The following TRABD2B variants were observed in gnomAD, a reference collection of about 807,000 sequenced individuals.
TRABD2B encodes TraB domain containing 2B.
A neutral mutation model predicts 40.1 loss-of-function variants in TRABD2B; 14 were observed. The ratio of observed to expected loss-of-function variants is 0.35; its 90% confidence interval spans 0.23 to 0.55. TRABD2B has a LOEUF of 0.55. TRABD2B is among the 20% of genes least tolerant of loss of function. TRABD2B has a pLI of 0.90. For missense variants in TRABD2B, 541 were observed against 648.6 expected (o/e 0.83, Z 1.80); for synonymous variants, 263 against 277.0 (o/e 0.95, Z 0.50).
At chr1:47,886,352 C>T (rs1230915928) in intron 2 of TRABD2B, among the ~76,000 whole-genome samples, 2 of 152,218 alleles carry the variant, frequency 1.3e-5, no homozygotes, top group Non-Finnish European at 2.9e-5. Flanking sequence ...GGCCGTTCCA[C>T]TCGGCTCGGG....
chr1:47,811,947 A>T (rs1644970818), intron 2 of TRABD2B, among the ~76,000 whole-genome samples: 1 of 152,200 alleles, frequency 6.6e-6, no homozygotes, highest in South Asian at 2.1e-4. Context: ...AATACTTTAC[A>T]TGTGGAGGCT....
At chr1:47,831,554 G>T (rs1310989514) in intron 2 of TRABD2B, among the ~76,000 whole-genome samples, 1 of 152,162 alleles carries the variant, frequency 6.6e-6, no homozygotes, top group African/African-American at 2.4e-5. Flanking sequence ...TGCCAAGAAT[G>T]GCAGCTCAGT....
intron 2 of TRABD2B, among the ~76,000 whole-genome samples, chr1:47,839,713 G>A (rs1278749517): frequency 6.6e-6 from 1 of 152,216 alleles, no homozygotes; most frequent in Non-Finnish European, 1.5e-5. Context: ...AACACTGACA[G>A]TGTCCTCGCC....
chr1:47,974,106 C>G (rs143448570), intron 2 of TRABD2B, among the ~76,000 whole-genome samples: 66 of 152,292 alleles, frequency 4.3e-4, no homozygotes, highest in African/African-American at 1.6e-3. Flanking sequence ...AAGATTCTGT[C>G]TGCATCTCCT....
intron 2 of TRABD2B, among the ~76,000 whole-genome samples, chr1:47,961,760 T>C (rs1310056424): frequency 6.6e-6 from 1 of 152,212 alleles, no homozygotes. Context: ...TTTACACTGT[T>C]GGTGGGACTG....
chr1:47,965,727 G>A (rs557764344), intron 2 of TRABD2B, among the ~76,000 whole-genome samples: 177 of 152,290 alleles, frequency 1.2e-3, no homozygotes, highest in Non-Finnish European at 2.0e-3. Context: ...GTGATCTGGC[G>A]TTGTTTTAAG....
intron 2 of TRABD2B, among the ~76,000 whole-genome samples, chr1:47,845,153 C>T (rs916914499): frequency 3.3e-5 from 5 of 152,132 alleles, no homozygotes; most frequent in African/African-American, 4.8e-5. Flanking sequence ...CTATGCCTTG[C>T]CCCTTCCACC....
intron 2 of TRABD2B, among the ~76,000 whole-genome samples, chr1:47,919,701 A>G (rs1019723456): frequency 6.6e-6 from 1 of 152,352 alleles, no homozygotes. Context: ...AGGGAAGAGA[A>G]CTTGCATGCC....
chr1:47,814,607 C>T (rs996760154), intron 2 of TRABD2B, among the ~76,000 whole-genome samples: 4 of 152,216 alleles, frequency 2.6e-5, no homozygotes, highest in Admixed American at 6.5e-5. Context: ...TCTCCTTCCC[C>T]GACTTTTGAA....
intron 3 of TRABD2B, among the ~76,000 whole-genome samples, 189 bp downstream of exon 3, chr1:47,801,284 T>G (rs937785209): frequency 1.3e-5 from 2 of 152,166 alleles, no homozygotes; most frequent in Non-Finnish European, 2.9e-5. Context: ...AACTTAAAAC[T>G]CAACAACTCA....
At chr1:47,927,497 C>T (rs1644984786) in intron 2 of TRABD2B, among the ~76,000 whole-genome samples, 1 of 152,232 alleles carries the variant, frequency 6.6e-6, no homozygotes, top group Non-Finnish European at 1.5e-5. Context: ...GAGCACCTCC[C>T]TCCAGAGAGC....
intron 2 of TRABD2B, among the ~76,000 whole-genome samples, chr1:47,963,091 C>A (rs1645545803): frequency 6.6e-6 from 1 of 152,154 alleles, no homozygotes. Flanking sequence ...GCAGGGAGAC[C>A]AACTATGTCT....
intron 2 of TRABD2B, among the ~76,000 whole-genome samples, chr1:47,929,076 G>A (rs151196294): frequency 2.0e-5 from 3 of 152,258 alleles, no homozygotes; most frequent in East Asian, 1.9e-4. Flanking sequence ...TACTCTTCTC[G>A]TAAAGCCCCC....
chr1:47,950,433 T>C (rs896076214), intron 2 of TRABD2B, among the ~76,000 whole-genome samples: 2 of 152,130 alleles, frequency 1.3e-5, no homozygotes, highest in African/African-American at 2.4e-5. Flanking sequence ...TCTGTGCAGA[T>C]GAGCTCAAGT....
At chr1:47,817,603 C>T (rs571465014) in intron 2 of TRABD2B, among the ~76,000 whole-genome samples, 10 of 152,242 alleles carry the variant, frequency 6.6e-5, no homozygotes, top group South Asian at 4.1e-4. Context: ...GAGGACCTTC[C>T]GTCTCTGGTC....
At chr1:47,818,421 T>C (rs1181408705) in intron 2 of TRABD2B, among the ~76,000 whole-genome samples, 1 of 152,354 alleles carries the variant, frequency 6.6e-6, no homozygotes, top group East Asian at 1.9e-4. Context: ...GTGTTCACAA[T>C]GATATCTAAT....
intron 3 of TRABD2B, among the ~76,000 whole-genome samples, chr1:47,798,826 C>T (rs1644782504): frequency 6.6e-6 from 1 of 152,138 alleles, no homozygotes; most frequent in African/African-American, 2.4e-5. Flanking sequence ...GACTTTGAGG[C>T]CCCCAGCTAC....
At chr1:47,884,799 A>G (rs1016710205) in intron 2 of TRABD2B, among the ~76,000 whole-genome samples, 1 of 151,890 alleles carries the variant, frequency 6.6e-6, no homozygotes, top group African/African-American at 2.4e-5. Context: ...TATTTTTAGT[A>G]GAGACGGGGT....
At chr1:47,893,822 C>T (rs1421725483) in intron 2 of TRABD2B, among the ~76,000 whole-genome samples, 2 of 152,158 alleles carry the variant, frequency 1.3e-5, no homozygotes, top group South Asian at 2.1e-4. Flanking sequence ...CTAGATTCAT[C>T]AGAGGGGCAG....
Sources: gnomAD v4.1 joint callset for allele counts (sites outside exome capture counted in the v4.1 genomes callset) on GRCh38, gnomAD v4.1.1 for gene constraint, MANE v1.5 for transcripts, NCBI Gene and HGNC (gene_info 2026-07-23, HGNC 2026-07-21) for gene names.